WASL: variants seen among roughly 807,000 people sequenced by gnomAD.
WASL encodes actin nucleation-promoting factor WASL.
In WASL, 20 loss-of-function variants were observed where a neutral mutation model predicts 55.5. That is an observed-to-expected ratio of 0.36 (90% CI 0.25 to 0.52). The LOEUF is 0.52. Among genes scored for constraint, WASL ranks in the 20% least tolerant of loss-of-function variants. The pLI, the probability that WASL is intolerant of heterozygous loss-of-function variation, is 0.92. For synonymous variants in WASL, 249 were observed against 217.6 expected, an observed-to-expected ratio of 1.14 and a Z score of -1.27; for missense variants, 504 against 622.5, an observed-to-expected ratio of 0.81 and a Z score of 2.03.
chr7:123,747,042 T>G (rs1220780486), intron 1 of WASL, among the ~76,000 whole-genome samples: 1 of 152,214 alleles, frequency 6.6e-6, no homozygotes, highest in Non-Finnish European at 1.5e-5. Context: ...AATCTTGTAT[T>G]TTAATTAGTT....
rs1022928610 is a variant in WASL at position 123,748,478 on chromosome 7, GGGGCCGGGGCC to G, written c.117+129_117+139del. The G allele has an allele frequency of 8.8e-4, 636 of 718,742 alleles. 5 individuals carry two copies. In the African/African-American group the frequency reaches 0.012, roughly 13 times the overall value. 44.5% of individuals were successfully genotyped at this position (718,742 alleles called of 1,614,324 possible). On this transcript the variant is annotated intron_variant, in intron 1 of 10. Transcript: ENST00000223023. The stretch of plus-strand genomic sequence containing the variant: ...GGGAGCAGGGCGAGGGCGCCGACGA[GGGGCCGGGGCC>G]GGGGCCGGGGCTGGCGGGAGGCCTG...
In WASL at chr7:123,716,530, G is replaced by T. The variant is rs1404447662; in HGVS notation, c.118-7307C>A. On this transcript the variant is annotated intron_variant, in intron 1 of 10. Coordinates refer to ENST00000223023, the MANE Select transcript of WASL (RefSeq NM_003941.4). ...CCCAAAGTGCTGGGATTACAGGCGTGAGCCACTGTGCCCGGCCCAAAGTTT... is the reference window on the plus strand; with the variant it reads ...CCCAAAGTGCTGGGATTACAGGCGTTAGCCACTGTGCCCGGCCCAAAGTTT... Among the ~76,000 whole-genome samples the T allele has an allele frequency of 2.6e-5, 4 of 152,078 alleles. No homozygotes were observed. The East Asian group carries it at 7.8e-4, about 30-fold the overall frequency.
At chr7:123,723,265 A>G (rs913934232) in intron 1 of WASL, among the ~76,000 whole-genome samples, 1 of 152,224 alleles carries the variant, frequency 6.6e-6, no homozygotes, top group African/African-American at 2.4e-5. Context: ...GAAAAGACTA[A>G]TATTTCTTTT....
In WASL at chr7:123,715,709, A is replaced by G. The variant is rs184775807; in HGVS notation, c.118-6486T>C. On this transcript the variant is annotated intron_variant, in intron 1 of 10. Coordinates refer to ENST00000223023, the MANE Select transcript of WASL (RefSeq NM_003941.4). ...AAAGCCATATGGAAAGGTGTGTGCTACACAGCAGGCTTAGGTCATTCACAA... is the reference window on the plus strand; with the variant it reads ...AAAGCCATATGGAAAGGTGTGTGCTGCACAGCAGGCTTAGGTCATTCACAA... 5.3e-5 allele frequency among the ~76,000 whole-genome samples: 8 copies of G among 152,348 alleles called. 1 individual carries two copies. The East Asian group carries it at 1.3e-3, about 26-fold the overall frequency.
chr7:123,722,228 T>A (rs1270755418), intron 1 of WASL, among the ~76,000 whole-genome samples: 2 of 152,180 alleles, frequency 1.3e-5, no homozygotes, highest in African/African-American at 4.8e-5. Context: ...TATTGGACAA[T>A]AATGCTCTGG....
chr7:123,684,281 C>A lies in WASL; in HGVS notation c.*238G>T, dbSNP rs2116759966. The A allele has an allele frequency of 1.5e-5, 3 of 197,862 alleles. No homozygotes were observed. In the East Asian group the frequency reaches 3.3e-4, roughly 22 times the overall value. The allele number at this position is 197,862 out of a possible 1,614,324, so 12.3% of individuals were successfully genotyped here. On this transcript the variant is annotated 3_prime_UTR_variant, in exon 11 of 11. Transcript: ENST00000223023. ...GATGGAATGAAAAATATTCACAAAT[C>A]AAGTGAGCATCCTGGTGTAAACTTG...
At position 123,748,876 on chromosome 7, in the gene WASL, G is replaced by A. The variant is rs1248604549; in HGVS notation, c.-142C>T. 1.5e-6 allele frequency: 1 copy of A among 688,510 alleles called. No individual in the cohort carries two copies. The highest frequency in any genetic ancestry group is 2.3e-6 in the Non-Finnish European group (1 of 430,234). 42.7% of individuals were successfully genotyped at this position (688,510 alleles called of 1,614,324 possible). A position where few individuals can be genotyped will look rare whatever the true frequency, so the allele number is the denominator to read the frequency against. On this transcript the variant is annotated 5_prime_UTR_variant, in exon 1 of 11. Coordinates refer to ENST00000223023, the MANE Select transcript of WASL (RefSeq NM_003941.4). Reference sequence around the variant, plus strand: ...GCAGCTCCTCCGGAGCGGGGAGGAGGACGAGGTCGAGGGAAGCAGGCGCTG... The same window carrying A: ...GCAGCTCCTCCGGAGCGGGGAGGAGAACGAGGTCGAGGGAAGCAGGCGCTG...
At chr7:123,709,559 C>A (rs1300387801) in intron 1 of WASL, among the ~76,000 whole-genome samples, 1 of 151,990 alleles carries the variant, frequency 6.6e-6, no homozygotes, top group Non-Finnish European at 1.5e-5. Context: ...TTGAGAAACC[C>A]GACACTAAAG....
In WASL at chr7:123,692,854, T is replaced by C. The variant is rs1383388650; in HGVS notation, c.840A>G (p.Pro280=). The stretch of plus-strand genomic sequence containing the variant: ...GAGGTGGCCCTCCCCTTGATGGTGG[T>C]GGAGGTGGTGGTGCTGAAATGCAAA... ...NELRRQAPPP[P]PPSRGGPPPP... is the part of the protein sequence containing the mutation. Residue 280 remains proline (P), a synonymous_variant, in exon 9 of 11, where the codon CCA becomes CCG. Coordinates refer to ENST00000223023, the MANE Select transcript of WASL (RefSeq NM_003941.4). The C allele has an allele frequency of 7.3e-7, 1 of 1,365,744 alleles. No homozygotes were observed. Among genetic ancestry groups the C allele is most frequent in the Admixed American group, 2.8e-5 (1 of 35,194 alleles). The allele number at this position is 1,365,744 out of a possible 1,614,324, so 84.6% of individuals were successfully genotyped here. A position where few individuals can be genotyped will look rare whatever the true frequency, so the allele number is the denominator to read the frequency against.
chr7:123,718,218 C>T (rs1027191814), intron 1 of WASL, among the ~76,000 whole-genome samples: 1 of 151,986 alleles, frequency 6.6e-6, no homozygotes, highest in African/African-American at 2.4e-5. Context: ...CACTTTTAGA[C>T]TTAATTTTGG....
chr7:123,706,246 G>A (rs917356392), intron 4 of WASL, 31 bp downstream of exon 4: 1 of 1,594,146 alleles, frequency 6.3e-7, no homozygotes. Flanking sequence ...TTAGTTTGCT[G>A]GCCTGATTTA....
chr7:123,704,694 T>C (rs1390540358), intron 4 of WASL, 37 bp from the exon 5 acceptor site: 4 of 1,316,992 alleles, frequency 3.0e-6, no homozygotes, highest in East Asian at 5.3e-5. Context: ...TTATTAAATA[T>C]ATGTAAGACA....
Position 123,689,014 on chromosome 7 carries a change from C to CTG in WASL, c.1456+27_1456+28insCA, listed in dbSNP as rs774108853. The CTG allele has an allele frequency of 4.3e-6, 5 of 1,149,986 alleles. No homozygotes were observed. The Admixed American group carries it at 7.4e-5, about 17-fold the overall frequency. The allele number at this position is 1,149,986 out of a possible 1,614,324, so 71.2% of individuals were successfully genotyped here. A position where few individuals can be genotyped will look rare whatever the true frequency, so the allele number is the denominator to read the frequency against. ...ACACGCACACTCTCTCTGTCTCTCT[C>CTG]TCTCTCTCTCTCTCTCTCTCTCTCT... On this transcript the variant is annotated intron_variant, in intron 10 of 10. Transcript: ENST00000223023.
chr7:123,695,797 C>A (rs145640034), intron 7 of WASL, 26 bp downstream of exon 7: 10 of 1,608,260 alleles, frequency 6.2e-6, no homozygotes, highest in Non-Finnish European at 8.5e-6. Context: ...ACAGTTATAA[C>A]GTATATGATT....
intron 2 of WASL, among the ~76,000 whole-genome samples, chr7:123,708,772 A>G (rs1268582722): frequency 6.6e-6 from 1 of 152,110 alleles, no homozygotes; most frequent in Admixed American, 6.6e-5. Context: ...AGGTGGAATA[A>G]AAGAGTTTCA....
intron 10 of WASL, among the ~76,000 whole-genome samples, chr7:123,687,830 C>A (rs1394163840): frequency 2.0e-5 from 3 of 151,860 alleles, no homozygotes; most frequent in African/African-American, 7.3e-5. Flanking sequence ...AGGGTAGGTA[C>A]AAATATGCCT....
chr7:123,717,223 CCAAA>C (rs1803860809), intron 1 of WASL, among the ~76,000 whole-genome samples: 2 of 152,152 alleles, frequency 1.3e-5, no homozygotes, highest in African/African-American at 4.8e-5. Flanking sequence ...GGGAAAAACT[CCAAA>C]CAGACATTAA....
At chr7:123,746,470 AAAAC>A (rs1230990564) in intron 1 of WASL, among the ~76,000 whole-genome samples, 2 of 152,248 alleles carry the variant, frequency 1.3e-5, no homozygotes, top group Non-Finnish European at 2.9e-5. Context: ...TTAAAGGACA[AAAAC>A]AACCTGAATA....
intron 1 of WASL, among the ~76,000 whole-genome samples, chr7:123,739,894 G>A (rs1019619876): frequency 1.2e-4 from 7 of 56,674 alleles, no homozygotes; most frequent in Non-Finnish European, 1.7e-4. Flanking sequence ...GTGTGTGTGT[G>A]TGTGTGTGTG....
Sources: gnomAD v4.1 joint callset for allele counts (sites outside exome capture counted in the v4.1 genomes callset) on GRCh38, gnomAD v4.1.1 for gene constraint, MANE v1.5 for transcripts, NCBI Gene and HGNC (gene_info 2026-07-23, HGNC 2026-07-21) for gene names.